The following ARHGAP24 variants were observed in gnomAD, a reference collection of about 807,000 sequenced individuals.
The protein encoded by ARHGAP24 is rho GTPase-activating protein 24.
ARHGAP24 carries 50 observed loss-of-function variants against 76.4 expected under a neutral mutation model. That is an observed-to-expected ratio of 0.65 (90% CI 0.52 to 0.83). ARHGAP24 has a LOEUF of 0.83. Ranked by LOEUF, ARHGAP24 falls within the 40% of genes least tolerant of loss-of-function variation. The pLI is 0.00. For synonymous variants in ARHGAP24, 345 were observed against 323.3 expected, an observed-to-expected ratio of 1.07 and a Z score of -0.72; for missense variants, 930 against 914.2, an observed-to-expected ratio of 1.02 and a Z score of -0.22.
chr4:85,921,909 T>TC (rs1007343471), intron 3 of ARHGAP24, among the ~76,000 whole-genome samples: 45 of 148,902 alleles, frequency 3.0e-4, no homozygotes, highest in Middle Eastern at 6.9e-3. Context: ...TCCGAAACCA[T>TC]CCCCCCCCAC....
At chr4:85,765,870 A>G (rs1474496185) in intron 3 of ARHGAP24, among the ~76,000 whole-genome samples, 1 of 152,218 alleles carries the variant, frequency 6.6e-6, no homozygotes, top group African/African-American at 2.4e-5. Flanking sequence ...ATAAAGGCTG[A>G]AAGCCGAGGA....
intron 3 of ARHGAP24, among the ~76,000 whole-genome samples, chr4:85,907,944 A>G (rs1467072): frequency 0.3 from 45,409 of 151,968 alleles, 6,932 homozygotes; most frequent in South Asian, 0.43. Flanking sequence ...CTCGGAAAAA[A>G]GGGCAAAAGA....
At chr4:85,989,207 T>C (rs1050559346) in intron 8 of ARHGAP24, among the ~76,000 whole-genome samples, 1 of 151,652 alleles carries the variant, frequency 6.6e-6, no homozygotes, top group African/African-American at 2.4e-5. Context: ...TTAACAGAAG[T>C]GACCTACCAA....
At chr4:85,745,592 T>TAA (rs10626605) in intron 3 of ARHGAP24, among the ~76,000 whole-genome samples, 22,069 of 143,476 alleles carry the variant, frequency 0.15, 2,325 homozygotes, top group East Asian at 0.55. Context: ...CCTTATCTCT[T>TAA]AAAAAAAAAA....
At chr4:85,554,603 AATT>A (rs1332544089) in intron 1 of ARHGAP24, among the ~76,000 whole-genome samples, 6 of 151,786 alleles carry the variant, frequency 4.0e-5, no homozygotes, top group Non-Finnish European at 1.5e-5. Flanking sequence ...TGCATTATGA[AATT>A]ATTGTAGTGT....
At chr4:85,700,009 T>A (rs1258412846) in intron 2 of ARHGAP24, among the ~76,000 whole-genome samples, 1 of 152,210 alleles carries the variant, frequency 6.6e-6, no homozygotes, top group African/African-American at 2.4e-5. Flanking sequence ...ACAAGCTGGA[T>A]TGAGATTTTA....
chr4:85,934,496 T>C (rs1331557807), intron 4 of ARHGAP24, among the ~76,000 whole-genome samples: 1 of 152,154 alleles, frequency 6.6e-6, no homozygotes, highest in Non-Finnish European at 1.5e-5. Context: ...CTATAGCTCT[T>C]ATGTTTTATT....
chr4:85,912,703 C>A (rs1026478939), intron 3 of ARHGAP24, among the ~76,000 whole-genome samples: 1 of 152,072 alleles, frequency 6.6e-6, no homozygotes, highest in Admixed American at 6.5e-5. Context: ...AATTAAATAA[C>A]GTTGCCAATA....
intron 1 of ARHGAP24, among the ~76,000 whole-genome samples, chr4:85,495,178 G>C (rs1323426568): frequency 4.6e-5 from 7 of 150,734 alleles, no homozygotes; most frequent in African/African-American, 1.7e-4. Context: ...TGAAAGACAT[G>C]ACCTATAAAT....
At chr4:85,709,256 A>G (rs1724432019) in intron 2 of ARHGAP24, among the ~76,000 whole-genome samples, 2 of 152,148 alleles carry the variant, frequency 1.3e-5, no homozygotes, top group African/African-American at 4.8e-5. Flanking sequence ...CTGAGTGCCC[A>G]GGAGAGAAAT....
intron 1 of ARHGAP24, among the ~76,000 whole-genome samples, chr4:85,485,416 T>TGG (rs1283790979): frequency 8.6e-6 from 1 of 115,800 alleles, no homozygotes; most frequent in African/African-American, 3.5e-5. Flanking sequence ...TATATATATC[T>TGG]CCTTGGATTT....
At chr4:85,879,323 G>A (rs985604366) in intron 3 of ARHGAP24, among the ~76,000 whole-genome samples, 19 of 152,184 alleles carry the variant, frequency 1.2e-4, no homozygotes, top group Non-Finnish European at 2.5e-4. Context: ...GACACGTTAA[G>A]CATCTTTATA....
intron 4 of ARHGAP24, among the ~76,000 whole-genome samples, chr4:85,925,840 G>C (rs1735992299): frequency 6.6e-6 from 1 of 152,086 alleles, no homozygotes; most frequent in African/African-American, 2.4e-5. Context: ...CAGGGTAAAG[G>C]GTTTGTGGGG....
rs1578335706 is a variant in ARHGAP24 at position 85,878,648 on chromosome 4, A to G, written c.269-45000A>G. On this transcript the variant is annotated intron_variant, in intron 3 of 9. Coordinates refer to ENST00000395184, the MANE Select transcript of ARHGAP24 (RefSeq NM_001025616.3). ...CATAGCTTTTATATCATATCTTGGAATAAGATACATGGACCTTGACATTTC... is the reference window on the plus strand; with the variant it reads ...CATAGCTTTTATATCATATCTTGGAGTAAGATACATGGACCTTGACATTTC... 2.6e-5 allele frequency among the ~76,000 whole-genome samples: 4 copies of G among 152,166 alleles called. No individual in the cohort carries two copies. In the South Asian group the frequency reaches 6.2e-4, roughly 24 times the overall value.
At chr4:85,703,300 T>A (rs1467064571) in intron 2 of ARHGAP24, among the ~76,000 whole-genome samples, 2 of 152,158 alleles carry the variant, frequency 1.3e-5, no homozygotes, top group African/African-American at 4.8e-5. Context: ...TTTCTCTGCA[T>A]TGAGTGTGGT....
intron 1 of ARHGAP24, among the ~76,000 whole-genome samples, chr4:85,566,403 A>T (rs948815330): frequency 6.6e-6 from 1 of 152,104 alleles, no homozygotes; most frequent in Non-Finnish European, 1.5e-5. Context: ...ATTTTTTTTC[A>T]TAAGGGCAGT....
intron 3 of ARHGAP24, among the ~76,000 whole-genome samples, chr4:85,733,208 C>T (rs1003804727): frequency 4.6e-5 from 7 of 151,514 alleles, no homozygotes; most frequent in Admixed American, 1.3e-4. Flanking sequence ...GGACTACAGG[C>T]GCCCACCACC....
intron 2 of ARHGAP24, among the ~76,000 whole-genome samples, chr4:85,714,346 C>G (rs1253627808): frequency 6.6e-6 from 1 of 152,140 alleles, no homozygotes; most frequent in Non-Finnish European, 1.5e-5. Context: ...TCCTGTTAGT[C>G]TCCTAGGATC....
At chr4:85,885,455 G>A (rs927109280) in intron 3 of ARHGAP24, among the ~76,000 whole-genome samples, 2 of 151,956 alleles carry the variant, frequency 1.3e-5, no homozygotes, top group Non-Finnish European at 2.9e-5. Flanking sequence ...ACCCAGTTTG[G>A]GGGTTTTATT....
Sources: allele counts gnomAD v4.1 joint callset (sites outside exome capture counted in the v4.1 genomes callset), GRCh38; gene constraint gnomAD v4.1.1; transcripts MANE v1.5; gene names NCBI Gene and HGNC (gene_info 2026-07-23, HGNC 2026-07-21).